PLS1: variants seen among roughly 807,000 people sequenced by gnomAD.
PLS1 encodes the protein plastin 1.
A neutral mutation model predicts 73.7 loss-of-function variants in PLS1; 32 were observed. The observed-to-expected ratio is 0.43, with a 90% CI of 0.33 to 0.58. The LOEUF (loss-of-function observed/expected upper bound fraction) is 0.58. PLS1 is among the 20% of genes least tolerant of loss of function. PLS1 has a pLI of 0.04. For synonymous variants in PLS1, 217 were observed against 261.3 expected, an observed-to-expected ratio of 0.83 and a Z score of 1.63; for missense variants, 633 against 740.5, an observed-to-expected ratio of 0.85 and a Z score of 1.68.
rs536113582 is a variant in PLS1 at position 142,645,017 on chromosome 3, T to C, written c.-36-19185T>C. On this transcript the variant is annotated intron_variant, in intron 1 of 15. Coordinates refer to ENST00000457734, the MANE Select transcript of PLS1 (RefSeq NM_001145319.2). ...AACTCTAACCTATTTGGTGGAATCCTTCCAAACTCTAACCCGTTTGATAGA... is the reference window on the plus strand; with the variant it reads ...AACTCTAACCTATTTGGTGGAATCCCTCCAAACTCTAACCCGTTTGATAGA... 2.6e-5 allele frequency among the ~76,000 whole-genome samples: 4 copies of C among 152,342 alleles called. No homozygotes were observed. In the South Asian group the frequency reaches 6.2e-4, roughly 24 times the overall value.
At chr3:142,613,449 C>T (rs2036158673) in intron 1 of PLS1, among the ~76,000 whole-genome samples, 2 of 151,686 alleles carry the variant, frequency 1.3e-5, no homozygotes, top group Admixed American at 1.3e-4. Context: ...TGTACTCCAG[C>T]CTGGGTGACA....
At chr3:142,686,912 C>T (rs762858095) in intron 9 of PLS1, among the ~76,000 whole-genome samples, 5 of 152,158 alleles carry the variant, frequency 3.3e-5, no homozygotes, top group Non-Finnish European at 5.9e-5. Flanking sequence ...TGACTGTCAG[C>T]ATATGCCAGG....
At chr3:142,703,427 A>T (rs1577912496) in intron 12 of PLS1, among the ~76,000 whole-genome samples, 1 of 151,180 alleles carries the variant, frequency 6.6e-6, no homozygotes, top group Non-Finnish European at 1.5e-5. Context: ...TCCTGAGTAG[A>T]TGGGATTACA....
chr3:142,649,373 C>T (rs1292479630), intron 1 of PLS1, among the ~76,000 whole-genome samples: 5 of 147,140 alleles, frequency 3.4e-5, no homozygotes, highest in African/African-American at 1.0e-4. Flanking sequence ...TGGTGGCTCA[C>T]GCCTGTAATC....
At chr3:142,675,043 T>A (rs1365363766) in intron 4 of PLS1, among the ~76,000 whole-genome samples, 3 of 152,288 alleles carry the variant, frequency 2.0e-5, no homozygotes, top group African/African-American at 7.2e-5. Flanking sequence ...TTTGTGTCAA[T>A]TTTTTAATAG....
At chr3:142,656,387 T>A (rs1417408583) in intron 1 of PLS1, among the ~76,000 whole-genome samples, 1 of 152,222 alleles carries the variant, frequency 6.6e-6, no homozygotes, top group African/African-American at 2.4e-5. Context: ...TTTTCATATA[T>A]TTTACCCTTT....
intron 1 of PLS1, among the ~76,000 whole-genome samples, chr3:142,607,906 G>A (rs993151437): frequency 2.0e-5 from 3 of 152,022 alleles, no homozygotes; most frequent in Non-Finnish European, 4.4e-5. Flanking sequence ...TTAGCCTGTG[G>A]TGACATTGAT....
intron 2 of PLS1, 97 bp from the exon 3 acceptor site, chr3:142,669,293 G>A (rs375252352): frequency 3.2e-6 from 2 of 631,620 alleles, no homozygotes; most frequent in African/African-American, 3.7e-5. Flanking sequence ...AAATGTGAAA[G>A]GCTCTGTCTG....
intron 4 of PLS1, among the ~76,000 whole-genome samples, chr3:142,672,896 A>G (rs1388266736): frequency 6.6e-6 from 1 of 152,090 alleles, no homozygotes; most frequent in African/African-American, 2.4e-5. Context: ...CCAAAGAAGA[A>G]CACTATATTC....
chr3:142,651,932 C>T (rs1345539548), intron 1 of PLS1, among the ~76,000 whole-genome samples: 1 of 152,168 alleles, frequency 6.6e-6, no homozygotes, highest in African/African-American at 2.4e-5. Flanking sequence ...CCTTCCAATC[C>T]CCTACCAGGC....
At chr3:142,597,514 G>T (rs1448006038) in intron 1 of PLS1, among the ~76,000 whole-genome samples, 1 of 152,202 alleles carries the variant, frequency 6.6e-6, no homozygotes, top group South Asian at 2.1e-4. Context: ...TTCAGGAAGA[G>T]AAACCTATAT....
chr3:142,690,784 C>A (rs1404576152), intron 10 of PLS1, among the ~76,000 whole-genome samples: 1 of 152,114 alleles, frequency 6.6e-6, no homozygotes, highest in South Asian at 2.1e-4. Flanking sequence ...TTCTCAATAC[C>A]CAGTTCTTAC....
intron 1 of PLS1, among the ~76,000 whole-genome samples, chr3:142,633,335 T>C (rs932367343): frequency 6.6e-6 from 1 of 152,156 alleles, no homozygotes; most frequent in Non-Finnish European, 1.5e-5. Flanking sequence ...ACTACTGAAA[T>C]GTATACTTAA....
At chr3:142,616,095 C>T (rs1406003117) in intron 1 of PLS1, among the ~76,000 whole-genome samples, 1 of 152,150 alleles carries the variant, frequency 6.6e-6, no homozygotes, top group Non-Finnish European at 1.5e-5. Context: ...TAAATCATTT[C>T]CCATTTTATG....
At chr3:142,707,299 A>C (rs1371326170) in intron 14 of PLS1, among the ~76,000 whole-genome samples, 1 of 152,170 alleles carries the variant, frequency 6.6e-6, no homozygotes, top group Non-Finnish European at 1.5e-5. Context: ...TTTTAATTAT[A>C]AACAAGGTAG....
chr3:142,644,289 C>T lies in PLS1; in HGVS notation c.-36-19913C>T, dbSNP rs148366772. 5.7e-3 allele frequency among the ~76,000 whole-genome samples: 872 copies of T among 151,892 alleles called. 15 individuals carry two copies. Among genetic ancestry groups the T allele is most frequent in the Admixed American group, 0.016 (240 of 15,250 alleles). ...TTTTTGAGACAGGGTCTCACTCTGT[C>T]GCCCAAGCTGGAGTGCAGTGATATG... On this transcript the variant is annotated intron_variant, in intron 1 of 15. Transcript: ENST00000457734.
intron 1 of PLS1, among the ~76,000 whole-genome samples, chr3:142,652,186 T>C (rs907590665): frequency 1.6e-4 from 25 of 152,350 alleles, no homozygotes; most frequent in African/African-American, 4.1e-4. Context: ...TCAGAAGAAC[T>C]GATTCCCACT....
chr3:142,628,062 A>G (rs942751807), intron 1 of PLS1, among the ~76,000 whole-genome samples: 2 of 152,248 alleles, frequency 1.3e-5, no homozygotes, highest in Middle Eastern at 3.2e-3. Context: ...ATGTCTACAT[A>G]AAAGAAGCTC....
intron 1 of PLS1, among the ~76,000 whole-genome samples, chr3:142,663,806 A>G (rs958827364): frequency 4.6e-5 from 7 of 152,218 alleles, no homozygotes; most frequent in Non-Finnish European, 8.8e-5. Flanking sequence ...TTTTTTGTAG[A>G]CATTATTCGT....
Sources: allele counts gnomAD v4.1 joint callset (sites outside exome capture counted in the v4.1 genomes callset), GRCh38; gene constraint gnomAD v4.1.1; transcripts MANE v1.5; gene names NCBI Gene and HGNC (gene_info 2026-07-23, HGNC 2026-07-21).